REV1: variants seen among roughly 807,000 people sequenced by gnomAD.
REV1 encodes the protein translesion synthesis protein REV1.
In REV1, 42 loss-of-function variants were observed where a neutral mutation model predicts 137.4. The ratio of observed to expected loss-of-function variants is 0.31; its 90% CI spans 0.24 to 0.40. The LOEUF is 0.40. REV1 is among the 10% of genes least tolerant of loss of function. The pLI, the probability that REV1 is intolerant of heterozygous loss-of-function variation, is 1.00. For missense variants in REV1, 1,282 were observed against 1,490.1 expected (o/e 0.86, Z 2.30); for synonymous variants, 524 against 519.2 (o/e 1.01, Z -0.12).
intron 22 of REV1, 135 bp downstream of exon 22, chr2:99,402,109 G>A (rs1675544409): frequency 3.6e-6 from 2 of 548,766 alleles, no homozygotes; most frequent in Non-Finnish European, 6.5e-6. Flanking sequence ...TAGTCAACAT[G>A]GCAAAATAAA....
intron 15 of REV1, 39 bp from the exon 16 acceptor site, chr2:99,406,529 A>G (rs754048000): frequency 1.9e-5 from 28 of 1,481,476 alleles, no homozygotes; most frequent in Middle Eastern, 1.8e-4. Flanking sequence ...TAGGAAAACT[A>G]AAGTGAAAAT....
chr2:99,455,838 T>C (rs1683475981), intron 3 of REV1, among the ~76,000 whole-genome samples: 2 of 152,196 alleles, frequency 1.3e-5, no homozygotes, highest in African/African-American at 4.8e-5. Context: ...TACACTTGCA[T>C]ATTCCCCCTT....
chr2:99,439,090 A>C lies in REV1; in HGVS notation c.724T>G (p.Leu242Val). The change falls in exon 6 of 23, where the codon TTG becomes GTG. Residue 242 changes from leucine to valine, a missense_variant. By Grantham distance (32) the Leu-to-Val change is conservative. Transcript: ENST00000258428. The part of the protein sequence containing the change: ...SNGALKTQDC[L>V]VPMVNSVASR... The stretch of plus-strand genomic sequence containing the variant: ...GCAACACTGTTGACCATGGGCACCA[A>C]GCAATCCTGTGTCTTTAAGGCACCA... 1 of 1,614,128 alleles carries C rather than the reference A, an allele frequency of 6.2e-7. No individual in the cohort carries two copies.
chr2:99,409,394 T>C (rs1024146813), intron 14 of REV1, among the ~76,000 whole-genome samples: 8 of 152,238 alleles, frequency 5.3e-5, no homozygotes, highest in African/African-American at 1.9e-4. Flanking sequence ...CTATACTTCA[T>C]ATTGTAAGTA....
intron 5 of REV1, among the ~76,000 whole-genome samples, chr2:99,440,560 C>T (rs1681353318): frequency 6.6e-6 from 1 of 152,116 alleles, no homozygotes; most frequent in South Asian, 2.1e-4. Flanking sequence ...ATGCCATGCT[C>T]ACAGATGATC....
intron 9 of REV1, 89 bp downstream of exon 9, chr2:99,429,751 C>CACTGGCCTGACTGG: frequency 6.2e-6 from 5 of 808,206 alleles, no homozygotes; most frequent in South Asian, 2.1e-5. Context: ...ACATTTAAAT[C>CACTGGCCTGACTGG]CACTTCAAAA....
chr2:99,489,213 A>G (rs956931280), intron 1 of REV1, among the ~76,000 whole-genome samples: 6 of 152,148 alleles, frequency 3.9e-5, no homozygotes, highest in African/African-American at 1.4e-4. Context: ...CAGCAAGGAA[A>G]AACAAGGGAG....
chr2:99,428,174 C>CAAA (rs1424256902), intron 9 of REV1, among the ~76,000 whole-genome samples: 1 of 152,124 alleles, frequency 6.6e-6, no homozygotes, highest in Non-Finnish European at 1.5e-5. Flanking sequence ...TCGCATTTTA[C>CAAA]CAACTAGCGA....
intron 1 of REV1, among the ~76,000 whole-genome samples, chr2:99,467,182 A>G (rs1365847349): frequency 6.6e-6 from 1 of 152,224 alleles, no homozygotes; most frequent in Non-Finnish European, 1.5e-5. Context: ...CCTACTGCAC[A>G]AGGCCAATAA....
chr2:99,451,591 G>A, intron 3 of REV1: 1 of 857,218 alleles, frequency 1.2e-6, no homozygotes, highest in South Asian at 1.4e-5. Flanking sequence ...TGTGACTTTG[G>A]AGAAGTTGTT....
At chr2:99,489,164 T>C (rs1280270459) in intron 1 of REV1, among the ~76,000 whole-genome samples, 3 of 152,014 alleles carry the variant, frequency 2.0e-5, no homozygotes, top group Non-Finnish European at 2.9e-5. Flanking sequence ...GGAAGGACAG[T>C]TGGGGAACGG....
upstream of REV1, chr2:99,490,151 C>T (rs1338338596): frequency 6.6e-6 from 1 of 150,834 alleles, no homozygotes; most frequent in Non-Finnish European, 1.5e-5. Flanking sequence ...GGGGCGACCC[C>T]AGCCTCGGGC....
chr2:99,436,972 TCCC>T (rs939918213), intron 6 of REV1, among the ~76,000 whole-genome samples: 4 of 147,886 alleles, frequency 2.7e-5, no homozygotes, highest in Admixed American at 6.8e-5. Context: ...TACCTAATTC[TCCC>T]CCAACTTTTT....
Position 99,402,297 on chromosome 2 carries a change from T to C in REV1, c.3591A>G (p.Leu1197=). ...GTTTTTCCAAATCTTTTTCTTCTAT[T>C]AGATCAGTACAGTATTTCACAACTT... The part of the protein sequence containing the change: ...ILQVVKYCTD[L]IEEKDLEKLD... Residue 1197 remains leucine (L), a synonymous_variant, in exon 22 of 23, where the codon CTA becomes CTG. Coordinates refer to ENST00000258428, the MANE Select transcript of REV1 (RefSeq NM_016316.4). The C allele has an allele frequency of 6.5e-7, 1 of 1,527,838 alleles. No individual in the cohort carries two copies. The highest frequency in any genetic ancestry group is 9.0e-7 in the Non-Finnish European group (1 of 1,114,730). The allele number at this position is 1,527,838 out of a possible 1,614,324, so 94.6% of individuals were successfully genotyped here.
chr2:99,402,521 C>G, intron 21 of REV1, 123 bp downstream of exon 21: 1 of 1,020,740 alleles, frequency 9.8e-7, no homozygotes, highest in Non-Finnish European at 1.4e-6. Context: ...TTGGGGGTAG[C>G]TGCTTTAAGC....
intron 1 of REV1, among the ~76,000 whole-genome samples, chr2:99,478,203 C>G (rs1559418171): frequency 6.6e-6 from 1 of 152,172 alleles, no homozygotes; most frequent in African/African-American, 2.4e-5. Context: ...CACCACTGCA[C>G]TGGCCAACAC....
chr2:99,419,050 T>C, intron 11 of REV1, 103 bp from the exon 12 acceptor site: 1 of 990,376 alleles, frequency 1.0e-6, no homozygotes, highest in East Asian at 2.5e-5. Context: ...CTAAAAACAA[T>C]GAAAATAAAT....
chr2:99,419,290 G>T (rs1678336522), intron 11 of REV1, among the ~76,000 whole-genome samples: 2 of 146,352 alleles, frequency 1.4e-5, no homozygotes, highest in South Asian at 4.3e-4. Context: ...TCAGCTCACT[G>T]CAAGTTCCGC....
rs3070575 is a variant in REV1 at position 99,442,252 on chromosome 2, C to CAAAAAAAAAAAAAAAAAAAAAAA, written c.503+42_503+64dup. 4 of 536,858 alleles carry CAAAAAAAAAAAAAAAAAAAAAAA rather than the reference C, an allele frequency of 7.5e-6. No homozygotes were observed. The African/African-American group carries it at 1.8e-4, about 25-fold the overall frequency. 33.3% of individuals were successfully genotyped at this position (536,858 alleles called of 1,614,324 possible). On this transcript the variant is annotated intron_variant, in intron 5 of 22. Transcript: ENST00000258428. Reference sequence around the variant, plus strand: ...CGGCAACAAGAGCAAAACTCCATCTCAAAAAAAAAAAAAAAAAAAAAAAAC... The same window carrying CAAAAAAAAAAAAAAAAAAAAAAA: ...CGGCAACAAGAGCAAAACTCCATCTCAAAAAAAAAAAAAAAAAAAAAAAAAAAAAAAAAAAAAAAAAAAAAAAC...
Sources: allele counts gnomAD v4.1 joint callset (sites outside exome capture counted in the v4.1 genomes callset), GRCh38; gene constraint gnomAD v4.1.1; transcripts MANE v1.5; gene names NCBI Gene and HGNC (gene_info 2026-07-23, HGNC 2026-07-21).